CDC26: variants seen among roughly 807,000 people sequenced by gnomAD.
CDC26 encodes the protein anaphase-promoting complex subunit CDC26.
Under a neutral mutation model 8.0 loss-of-function variants are expected in CDC26, and 2 were observed. The observed-to-expected ratio is 0.25, with a 90% CI of 0.10 to 0.79. The LOEUF is 0.79. Among genes scored for constraint, CDC26 ranks in the 30% least tolerant of loss-of-function variants. The pLI, the probability that CDC26 is intolerant of heterozygous loss-of-function variation, is 0.70. For synonymous variants in CDC26, 19 were observed against 34.9 expected (o/e 0.55, Z 1.60); for missense variants, 68 against 106.0 (o/e 0.64, Z 1.57).
intron 3 of CDC26, among the ~76,000 whole-genome samples, chr9:113,268,841 G>A (rs1477460483): frequency 3.3e-5 from 5 of 151,958 alleles, no homozygotes; most frequent in African/African-American, 1.2e-4. Flanking sequence ...TGCAACCTCC[G>A]CCTCCTGGGT....
intron 3 of CDC26, among the ~76,000 whole-genome samples, chr9:113,268,989 G>A (rs1376879952): frequency 6.6e-6 from 1 of 152,086 alleles, no homozygotes; most frequent in African/African-American, 2.4e-5. Context: ...TCTTGACCTC[G>A]TGATCCGCCT....
At chr9:113,267,682 A>C (rs559017763) in intron 3 of CDC26, among the ~76,000 whole-genome samples, 24 of 152,112 alleles carry the variant, frequency 1.6e-4, no homozygotes, top group Middle Eastern at 3.4e-3. Context: ...GTGAAACCCT[A>C]TCTCTACTAA....
intron 2 of CDC26, 29 bp from the exon 3 acceptor site, chr9:113,272,577 T>G: frequency 1.1e-5 from 12 of 1,115,280 alleles, no homozygotes; most frequent in Non-Finnish European, 1.6e-5. Flanking sequence ...AGGAGGAAAA[T>G]CTGAAGGTGA....
At position 113,272,319 on chromosome 9, in the gene CDC26, G is replaced by A; in HGVS notation, c.81+108C>T. 4 of 803,070 alleles carry A rather than the reference G, an allele frequency of 5.0e-6. No individual in the cohort carries two copies. The South Asian group carries it at 5.9e-5, about 12-fold the overall frequency. The allele number at this position is 803,070 out of a possible 1,614,324, so 49.7% of individuals were successfully genotyped here. On this transcript the variant is annotated intron_variant, in intron 3 of 3. Coordinates refer to ENST00000374206, the MANE Select transcript of CDC26 (RefSeq NM_139286.4). The stretch of plus-strand genomic sequence containing the variant: ...CTGTGGTCCCAGCACGCGGGAGGCT[G>A]AGGCAGAGGAGGCAGAGGTTGCAGT...
intron 1 of CDC26, among the ~76,000 whole-genome samples, chr9:113,273,929 G>A (rs1180745978): frequency 3.3e-5 from 5 of 150,586 alleles, no homozygotes; most frequent in Non-Finnish European, 5.9e-5. Context: ...TTGTTTTTGA[G>A]AAAACACAAC....
chr9:113,271,313 C>T (rs773293386), intron 3 of CDC26, among the ~76,000 whole-genome samples: 1 of 152,084 alleles, frequency 6.6e-6, no homozygotes, highest in Non-Finnish European at 1.5e-5. Context: ...GGTCCTAATC[C>T]TGGAACCTAT....
rs548418132 is a variant in CDC26, at chr9:113,270,225, C to A, written c.81+2202G>T. On this transcript the variant is annotated intron_variant, in intron 3 of 3. Coordinates refer to ENST00000374206, the MANE Select transcript of CDC26 (RefSeq NM_139286.4). ...TATAGGCACTGAGATTAAAGATAAC[C>A]CAGCAGTGAAAGTGGAGAGATAAGC... is the stretch of plus-strand genomic sequence containing the variant. Among the ~76,000 whole-genome samples, 3 of 152,242 alleles carry A rather than the reference C, an allele frequency of 2.0e-5. No homozygotes were observed. The South Asian group carries it at 6.2e-4, about 32-fold the overall frequency.
intron 3 of CDC26, among the ~76,000 whole-genome samples, chr9:113,271,341 A>G (rs1317090112): frequency 6.6e-6 from 1 of 152,218 alleles, no homozygotes; most frequent in Non-Finnish European, 1.5e-5. Flanking sequence ...TTATATGGGA[A>G]AAGGGCCTTT....
At position 113,267,043 on chromosome 9, in the gene CDC26, A is replaced by G. The variant is rs575575875; in HGVS notation, c.*220T>C. ...AATATATTTATTTTTAAAAACAGAAAATCAGATCAGTTTTATAGAGTCAAA... is the reference window on the plus strand; with the variant it reads ...AATATATTTATTTTTAAAAACAGAAGATCAGATCAGTTTTATAGAGTCAAA... On this transcript the variant is annotated 3_prime_UTR_variant, in exon 4 of 4. Coordinates refer to ENST00000374206, the MANE Select transcript of CDC26 (RefSeq NM_139286.4). 1.8e-4 allele frequency: 83 copies of G among 451,736 alleles called. No homozygotes were observed. In the South Asian group the frequency reaches 3.5e-3, roughly 19 times the overall value. The allele number at this position is 451,736 out of a possible 1,614,324, so 28.0% of individuals were successfully genotyped here.
rs201585699 is a variant in CDC26, at chr9:113,271,003, CG to C, written c.81+1423del. Among the ~76,000 whole-genome samples, 1,167 of 152,264 alleles carry C rather than the reference CG, an allele frequency of 7.7e-3. 10 individuals carry two copies. Among genetic ancestry groups the C allele is most frequent in the Admixed American group, 0.014 (211 of 15,294 alleles). On this transcript the variant is annotated intron_variant, in intron 3 of 3. Coordinates refer to ENST00000374206, the MANE Select transcript of CDC26 (RefSeq NM_139286.4). ...GCCACTACAATTATACAGGGAAAGACGGTTACTTAGCGCAGGACTGTAACAG... is the reference window on the plus strand; with the variant it reads ...GCCACTACAATTATACAGGGAAAGACGTTACTTAGCGCAGGACTGTAACAG...
At position 113,275,495 on chromosome 9, in the gene CDC26, G is replaced by A; in HGVS notation, c.-265C>T. 1 of 485,254 alleles carries A rather than the reference G, an allele frequency of 2.1e-6. No individual in the cohort carries two copies. The highest frequency in any genetic ancestry group is 3.7e-6 in the Non-Finnish European group (1 of 269,992). 30.1% of individuals were successfully genotyped at this position (485,254 alleles called of 1,614,324 possible). ...ACTGCTTGGAGCCTCTCTCTCCGCA[G>A]AACCTCGTCTTCCGCGAGCTTTTCC... On this transcript the variant is annotated 5_prime_UTR_variant, in exon 1 of 4. Transcript: ENST00000374206.
At chr9:113,272,602 C>T (rs551222899) in intron 2 of CDC26, 54 bp from the exon 3 acceptor site, 26 of 822,640 alleles carry the variant, frequency 3.2e-5, no homozygotes, top group African/African-American at 3.0e-4. Context: ...GTCTCAGATA[C>T]AAAACATAAA....
At chr9:113,271,422 C>T (rs773752181) in intron 3 of CDC26, among the ~76,000 whole-genome samples, 13 of 152,182 alleles carry the variant, frequency 8.5e-5, no homozygotes, top group South Asian at 6.2e-4. Flanking sequence ...GCCCTAAACA[C>T]AATCACACAT....
chr9:113,270,364 CCA>C (rs1831934716), intron 3 of CDC26, among the ~76,000 whole-genome samples: 1 of 151,994 alleles, frequency 6.6e-6, no homozygotes, highest in Admixed American at 6.6e-5. Context: ...TGTAGCAAGG[CCA>C]CAGTTAAAAA....
chr9:113,269,570 A>C (rs1831922671), intron 3 of CDC26, among the ~76,000 whole-genome samples: 1 of 152,154 alleles, frequency 6.6e-6, no homozygotes, highest in Non-Finnish European at 1.5e-5. Context: ...CCTGCTTCCT[A>C]AGTTACTCTA....
At chr9:113,275,091 G>A (rs1204146723) in intron 1 of CDC26, among the ~76,000 whole-genome samples, 4 of 152,048 alleles carry the variant, frequency 2.6e-5, no homozygotes, top group Non-Finnish European at 5.9e-5. Flanking sequence ...TTTGACTTTG[G>A]CACTAGCGGG....
At chr9:113,271,596 A>G (rs1368967570) in intron 3 of CDC26, among the ~76,000 whole-genome samples, 1 of 152,214 alleles carries the variant, frequency 6.6e-6, no homozygotes, top group Non-Finnish European at 1.5e-5. Flanking sequence ...TCCATAGGGA[A>G]TGTGGCCCTC....
chr9:113,268,408 C>T (rs1034847230), intron 3 of CDC26, among the ~76,000 whole-genome samples: 2 of 152,194 alleles, frequency 1.3e-5, no homozygotes, highest in African/African-American at 4.8e-5. Flanking sequence ...CTGCAGAATC[C>T]AGAAAGTATG....
At position 113,275,423 on chromosome 9, in the gene CDC26, C is replaced by G. The variant is rs1196688422; in HGVS notation, c.-193G>C. The G allele has an allele frequency of 6.2e-6, 2 of 320,664 alleles. No homozygotes were observed. Among genetic ancestry groups the G allele is most frequent in the Non-Finnish European group, 1.1e-5 (2 of 173,948 alleles). 19.9% of individuals were successfully genotyped at this position (320,664 alleles called of 1,614,324 possible). ...CTAGCCCCTTCCCGGAACCTCGGCT[C>G]CCCCCCAACGAAACTACTGCTAAGC... On this transcript the variant is annotated 5_prime_UTR_variant, in exon 1 of 4. Transcript: ENST00000374206.
Sources: gnomAD v4.1 joint callset for allele counts (sites outside exome capture counted in the v4.1 genomes callset) on GRCh38, gnomAD v4.1.1 for gene constraint, MANE v1.5 for transcripts, NCBI Gene and HGNC (gene_info 2026-07-23, HGNC 2026-07-21) for gene names.